AFF1: variants seen among roughly 807,000 people sequenced by gnomAD.
AFF1 encodes ALF transcription elongation factor 1, also known as AF4/FMR2 family member 1.
AFF1 carries 48 observed loss-of-function variants against 121.7 expected under a neutral mutation model. That is an observed-to-expected ratio of 0.39 (90% CI 0.31 to 0.50). The LOEUF (loss-of-function observed/expected upper bound fraction) is 0.50, where lower values mean the gene tolerates loss of function less well. AFF1 is among the 20% of genes least tolerant of loss of function. AFF1 has a pLI of 0.76. For synonymous variants in AFF1, 613 were observed against 563.0 expected (o/e 1.09, Z -1.26); for missense variants, 1,523 against 1,511.7 (o/e 1.01, Z -0.12).
rs559752528 is a variant in AFF1 at position 87,096,568 on chromosome 4, G to A, written c.1283+1599G>A. Among the ~76,000 whole-genome samples the A allele has an allele frequency of 1.2e-4, 18 of 151,270 alleles. No homozygotes were observed. In the South Asian group the frequency reaches 3.5e-3, roughly 30 times the overall value. On this transcript the variant is annotated intron_variant, in intron 8 of 20. Transcript: ENST00000395146. ...TTTTCTTTTTCTTTTTGGAGACAAG[G>A]TTGCTTTGTTGCCTAGGTTGGAGTG...
At chr4:87,028,005 G>A (rs1460211068) in intron 2 of AFF1, among the ~76,000 whole-genome samples, 1 of 151,780 alleles carries the variant, frequency 6.6e-6, no homozygotes, top group Non-Finnish European at 1.5e-5. Context: ...CTCTAAGGAA[G>A]TGCTTATTGG....
chr4:87,108,349 A>G (rs1315094678), intron 11 of AFF1, 34 bp downstream of exon 11: 6 of 1,603,120 alleles, frequency 3.7e-6, no homozygotes, highest in East Asian at 2.2e-5. Flanking sequence ...GCCACCTTAG[A>G]TGGCAGCATT....
chr4:87,010,365 T>C (rs557951284), intron 2 of AFF1, among the ~76,000 whole-genome samples: 79 of 152,350 alleles, frequency 5.2e-4, no homozygotes, highest in African/African-American at 1.9e-3. Flanking sequence ...CTGAGAAATG[T>C]CTTGTCAAAG....
Position 87,034,213 on chromosome 4 carries a change from T to C in AFF1, c.39-11953T>C, listed in dbSNP as rs577451641. On this transcript the variant is annotated intron_variant, in intron 2 of 20. Transcript: ENST00000395146. The stretch of plus-strand genomic sequence containing the variant: ...CAAACGGGGATTAGCGATGCACAGC[T>C]TGACCTGCTCCAGGCATGAAAAGGC... Among the ~76,000 whole-genome samples the C allele has an allele frequency of 7.9e-5, 12 of 152,322 alleles. No individual in the cohort carries two copies. In the East Asian group the frequency reaches 2.1e-3, roughly 27 times the overall value.
At position 86,942,749 on chromosome 4, in the gene AFF1, G is replaced by A. The variant is rs770165501; in HGVS notation, c.-36-5749G>A. ...ACACCTTCCTCTTCTCCTCCTCTTCGTGCCTTGAATATGAATGAGATCTCT... is the reference window on the plus strand; with the variant it reads ...ACACCTTCCTCTTCTCCTCCTCTTCATGCCTTGAATATGAATGAGATCTCT... On this transcript the variant is annotated intron_variant, in intron 1 of 20. Transcript: ENST00000395146. Among the ~76,000 whole-genome samples the A allele has an allele frequency of 8.5e-5, 13 of 152,094 alleles. No individual in the cohort carries two copies. The East Asian group carries it at 1.7e-3, about 20-fold the overall frequency.
At chr4:87,096,222 T>C (rs1052758197) in intron 8 of AFF1, among the ~76,000 whole-genome samples, 1 of 151,884 alleles carries the variant, frequency 6.6e-6, no homozygotes, top group Non-Finnish European at 1.5e-5. Flanking sequence ...GTGATACTGG[T>C]AGATGATGAG....
intron 1 of AFF1, among the ~76,000 whole-genome samples, chr4:86,946,606 G>A (rs146453862): frequency 6.6e-6 from 1 of 152,022 alleles, no homozygotes; most frequent in Non-Finnish European, 1.5e-5. Flanking sequence ...TGCCCAGGCT[G>A]GTCTTGAACT....
chr4:87,039,614 C>T (rs997510693), intron 2 of AFF1, among the ~76,000 whole-genome samples: 2 of 152,196 alleles, frequency 1.3e-5, no homozygotes, highest in African/African-American at 4.8e-5. Flanking sequence ...TGGTTCTCCC[C>T]ATTTCTAGTT....
chr4:87,086,727 G>A (rs771882163), intron 5 of AFF1, among the ~76,000 whole-genome samples: 5 of 152,118 alleles, frequency 3.3e-5, no homozygotes, highest in East Asian at 1.9e-4. Flanking sequence ...TACTCTTGAC[G>A]CTGACCCAGA....
intron 2 of AFF1, among the ~76,000 whole-genome samples, chr4:87,011,991 G>A (rs780719890): frequency 5.3e-5 from 8 of 152,160 alleles, no homozygotes; most frequent in Non-Finnish European, 1.2e-4. Context: ...TGTGCGTGCT[G>A]CATCTAAAAA....
At chr4:87,132,535 G>T in intron 19 of AFF1, 127 bp downstream of exon 19, 1 of 808,100 alleles carries the variant, frequency 1.2e-6, no homozygotes, top group Admixed American at 3.6e-5. Context: ...GGCTTCATCT[G>T]TTTGCTGGTT....
chr4:87,134,261 G>A (rs886611612), intron 19 of AFF1, among the ~76,000 whole-genome samples: 2 of 152,196 alleles, frequency 1.3e-5, no homozygotes, highest in African/African-American at 2.4e-5. Context: ...TAGACTATGC[G>A]AATGGCATGG....
intron 10 of AFF1, among the ~76,000 whole-genome samples, chr4:87,107,628 C>A (rs901635236): frequency 6.6e-6 from 1 of 152,156 alleles, no homozygotes; most frequent in African/African-American, 2.4e-5. Flanking sequence ...AACTTACTGG[C>A]TTTTCTTACA....
At chr4:87,063,324 C>T (rs1720990069) in intron 4 of AFF1, among the ~76,000 whole-genome samples, 1 of 142,746 alleles carries the variant, frequency 7.0e-6, no homozygotes, top group Non-Finnish European at 1.5e-5. Flanking sequence ...ACTGCAACCT[C>T]CACCTCCCAG....
In AFF1 at chr4:87,049,577, G is replaced by T. The variant is rs535323563; in HGVS notation, c.1059+1983G>T. ...ATACATTTGGTCATTGAAGAATGGG[G>T]TTTTTTTTTTGGCACCAGTGCATCT... On this transcript the variant is annotated intron_variant, in intron 4 of 20. Transcript: ENST00000395146. 2.3e-3 allele frequency: 818 copies of T among 361,130 alleles called. 1 individual carries two copies. The highest frequency in any genetic ancestry group is 3.6e-3 in the South Asian group (169 of 46,854). 22.4% of individuals were successfully genotyped at this position (361,130 alleles called of 1,614,324 possible).
At chr4:86,949,535 TTA>T (rs1372810587) in intron 2 of AFF1, 11 of 311,566 alleles carry the variant, frequency 3.5e-5, no homozygotes, top group South Asian at 2.5e-4. Context: ...ATTATTATTA[TTA>T]TTTTTTTTTT....
chr4:86,972,847 A>T (rs1723039567), intron 2 of AFF1, among the ~76,000 whole-genome samples: 1 of 152,140 alleles, frequency 6.6e-6, no homozygotes, highest in Non-Finnish European at 1.5e-5. Flanking sequence ...GCCTAATATT[A>T]TTTAGATTTA....
chr4:87,017,105 T>G (rs1216345183), intron 2 of AFF1, among the ~76,000 whole-genome samples: 45 of 91,278 alleles, frequency 4.9e-4, no homozygotes, highest in African/African-American at 9.5e-4. Context: ...ATATGTGTTT[T>G]TTTTTTTTTT....
intron 2 of AFF1, among the ~76,000 whole-genome samples, chr4:87,043,432 T>C (rs1730358687): frequency 6.6e-6 from 1 of 152,232 alleles, no homozygotes; most frequent in African/African-American, 2.4e-5. Flanking sequence ...AAAGTGGCTA[T>C]AAAACAAGTT....
Sources: gnomAD v4.1 joint callset for allele counts (sites outside exome capture counted in the v4.1 genomes callset) on GRCh38, gnomAD v4.1.1 for gene constraint, MANE v1.5 for transcripts, NCBI Gene and HGNC (gene_info 2026-07-23, HGNC 2026-07-21) for gene names.